The following CEP350 variants were observed in gnomAD, a reference collection of about 807,000 sequenced individuals.
CEP350 encodes the protein centrosomal protein 350, also known as centrosome-associated protein 350.
A neutral mutation model predicts 331.8 loss-of-function variants in CEP350; 126 were observed. The ratio of observed to expected loss-of-function variants is 0.38; its 90% confidence interval spans 0.33 to 0.44. CEP350 has a LOEUF of 0.44. Among genes scored for constraint, CEP350 ranks in the 20% least tolerant of loss-of-function variants. CEP350 has a pLI of 1.00. For synonymous variants in CEP350, 1,200 were observed against 1,259.5 expected (o/e 0.95, Z 1.00); for missense variants, 3,406 against 3,634.6 (o/e 0.94, Z 1.62).
At chr1:179,989,987 G>A (rs1171772752) in intron 3 of CEP350, among the ~76,000 whole-genome samples, 3 of 151,634 alleles carry the variant, frequency 2.0e-5, no homozygotes, top group Non-Finnish European at 4.4e-5. Flanking sequence ...TCAGGAGATC[G>A]AGACCAGCCT....
In CEP350 at chr1:179,969,169, C is replaced by G. The variant is rs1476472949; in HGVS notation, c.-14+14027C>G. 1.6e-5 allele frequency: 10 copies of G among 623,582 alleles called. No homozygotes were observed. In the East Asian group the frequency reaches 3.3e-4, roughly 20 times the overall value. 38.6% of individuals were successfully genotyped at this position (623,582 alleles called of 1,614,324 possible). ...TGGGTTTGATATGGTGGGTGCTGGCCGGGGAAGTTCTGTGTGTGTGTGCCA... is the reference window on the plus strand; with the variant it reads ...TGGGTTTGATATGGTGGGTGCTGGCGGGGGAAGTTCTGTGTGTGTGTGCCA... On this transcript the variant is annotated intron_variant, in intron 1 of 37. Coordinates refer to ENST00000367607, the MANE Select transcript of CEP350 (RefSeq NM_014810.5).
chr1:180,033,817 A>T (rs1473715675), intron 15 of CEP350, 45 bp from the exon 16 acceptor site: 2 of 1,563,888 alleles, frequency 1.3e-6, no homozygotes, highest in Non-Finnish European at 1.7e-6. Context: ...TGGTTTACAA[A>T]GTACTTTTCC....
At chr1:180,045,879 C>T (rs575722639) in intron 21 of CEP350, among the ~76,000 whole-genome samples, 1 of 152,296 alleles carries the variant, frequency 6.6e-6, no homozygotes, top group South Asian at 2.1e-4. Flanking sequence ...TCTCTAGCCC[C>T]ATCTCTTGGC....
At chr1:180,024,081 T>C (rs1352563238) in intron 13 of CEP350, among the ~76,000 whole-genome samples, 1 of 150,262 alleles carries the variant, frequency 6.7e-6, no homozygotes, top group Non-Finnish European at 1.5e-5. Flanking sequence ...TATTAAGTTA[T>C]TGTTCTCCAT....
At position 179,996,998 on chromosome 1, in the gene CEP350, A is replaced by T. The variant is rs1361188159; in HGVS notation, c.841A>T (p.Lys281Ter). ...TCTAAAGCGGCGACAACATGATGTC[A>T]AACTGGAAAAACTTAAGGAACGGAT... The part of the protein sequence containing the change: ...DILKRRQHDV[K>*]LEKLKERIRK... The change falls in exon 6 of 38, where the codon AAA (lysine) becomes TAA (stop). Residue 281 changes from lysine to a stop codon, truncating the protein, a stop_gained. Transcript: ENST00000367607. LOFTEE classifies it high-confidence loss of function. 6.2e-7 allele frequency: 1 copy of T among 1,613,948 alleles called. No homozygotes were observed. Among genetic ancestry groups the T allele is most frequent in the Non-Finnish European group, 8.5e-7 (1 of 1,179,898 alleles).
At chr1:180,072,024 T>G (rs528443975) in intron 27 of CEP350, among the ~76,000 whole-genome samples, 1 of 152,190 alleles carries the variant, frequency 6.6e-6, no homozygotes, top group Non-Finnish European at 1.5e-5. Context: ...CTTGAAGGAT[T>G]ATTAATTCTA....
chr1:179,977,452 G>A (rs1295224474), intron 1 of CEP350, among the ~76,000 whole-genome samples: 1 of 152,274 alleles, frequency 6.6e-6, no homozygotes, highest in South Asian at 2.1e-4. Flanking sequence ...AGAGAGATGA[G>A]TATGAGCAGA....
chr1:179,967,569 G>A (rs1351541532), intron 1 of CEP350, among the ~76,000 whole-genome samples: 2 of 151,894 alleles, frequency 1.3e-5, no homozygotes, highest in Admixed American at 6.6e-5. Context: ...GCACCACCAC[G>A]TCCAGCCAAT....
intron 1 of CEP350, among the ~76,000 whole-genome samples, chr1:179,984,705 AACC>A (rs564295444): frequency 3.4e-4 from 52 of 152,356 alleles, no homozygotes; most frequent in Non-Finnish European, 4.9e-4. Flanking sequence ...TATATTTTAA[AACC>A]ACCACAAGTG....
intron 6 of CEP350, among the ~76,000 whole-genome samples, chr1:180,002,470 T>A (rs939620597): frequency 1.3e-5 from 2 of 151,376 alleles, no homozygotes; most frequent in Admixed American, 1.3e-4. Context: ...TGAGACTATA[T>A]CTCAAAAAAT....
chr1:180,025,045 C>T (rs1655578196), intron 14 of CEP350, among the ~76,000 whole-genome samples: 1 of 151,990 alleles, frequency 6.6e-6, no homozygotes, highest in Admixed American at 6.5e-5. Context: ...CTGCCTCAGC[C>T]TCCCGAGTAG....
chr1:180,107,225 A>G (rs1447445861), intron 37 of CEP350, among the ~76,000 whole-genome samples: 1 of 152,226 alleles, frequency 6.6e-6, no homozygotes, highest in Non-Finnish European at 1.5e-5. Context: ...TTAAGAGCTC[A>G]CAGCCTAGTG....
intron 15 of CEP350, 31 bp downstream of exon 15, chr1:180,031,525 A>G: frequency 2.0e-6 from 2 of 1,021,296 alleles, no homozygotes; most frequent in African/African-American, 1.7e-5. Context: ...TAATTTATAT[A>G]TAATTAAAGA....
chr1:179,968,983 C>G (rs1273413476), intron 1 of CEP350: 3 of 757,812 alleles, frequency 4.0e-6, no homozygotes, highest in African/African-American at 1.7e-5. Context: ...TAACCAGATC[C>G]AGGCAGCCTT....
chr1:179,964,641 C>A (rs941819742), intron 1 of CEP350, among the ~76,000 whole-genome samples: 2 of 151,576 alleles, frequency 1.3e-5, no homozygotes, highest in Admixed American at 1.3e-4. Context: ...TTATCCATTT[C>A]CTCTGGTTTT....
intron 19 of CEP350, 84 bp downstream of exon 19, chr1:180,041,886 A>G (rs903705156): frequency 1.4e-5 from 17 of 1,231,542 alleles, no homozygotes; most frequent in Non-Finnish European, 1.7e-5. Flanking sequence ...GGTTTCTAAT[A>G]TCTTAGTAAA....
At chr1:180,059,041 G>A (rs4147171) in intron 25 of CEP350, among the ~76,000 whole-genome samples, 129,092 of 152,218 alleles carry the variant, frequency 0.85, 54,974 homozygotes, top group South Asian at 0.94. Flanking sequence ...AAAGTGAACA[G>A]TTCATTTGTA....
At chr1:179,998,603 G>C (rs1653647095) in intron 6 of CEP350, among the ~76,000 whole-genome samples, 1 of 151,840 alleles carries the variant, frequency 6.6e-6, no homozygotes, top group Non-Finnish European at 1.5e-5. Flanking sequence ...ACCACACCCA[G>C]CCTGTTTCTT....
intron 8 of CEP350, among the ~76,000 whole-genome samples, chr1:180,009,846 ACT>A (rs1467310270): frequency 6.6e-6 from 1 of 151,842 alleles, no homozygotes; most frequent in Non-Finnish European, 1.5e-5. Flanking sequence ...ACACATTAAA[ACT>A]CACCTTTTTA....
Sources: gnomAD v4.1 joint callset for allele counts (sites outside exome capture counted in the v4.1 genomes callset) on GRCh38, gnomAD v4.1.1 for gene constraint, MANE v1.5 for transcripts, NCBI Gene and HGNC (gene_info 2026-07-23, HGNC 2026-07-21) for gene names.